Variants in TBCK observed in about 807,000 individuals in gnomAD.
TBCK encodes the protein TBC domain-containing protein kinase-like protein.
Under a neutral mutation model 113.4 loss-of-function variants are expected in TBCK, and 99 were observed. That is an observed-to-expected ratio of 0.87 (90% CI 0.74 to 1.03). TBCK has a LOEUF of 1.03. Among genes scored for constraint, TBCK ranks in the 50% least tolerant of loss-of-function variants. The pLI, the probability that TBCK is intolerant of heterozygous loss-of-function variation, is 0.00. For synonymous variants in TBCK, 369 were observed against 370.8 expected (o/e 1.00, Z 0.05); for missense variants, 1,045 against 1,061.3 (o/e 0.98, Z 0.21).
In TBCK at chr4:106,053,304, A is replaced by G. The variant is rs1735015399; in HGVS notation, c.2572-6624T>C. 2.0e-5 allele frequency among the ~76,000 whole-genome samples: 3 copies of G among 151,580 alleles called. No homozygotes were observed. The South Asian group carries it at 6.2e-4, about 31-fold the overall frequency. ...AACTTTTGTCTCTACCACTCCCCCA[A>G]AATACTCTTATTAAGACTGGCAGTA... On this transcript the variant is annotated intron_variant, in intron 25 of 25. Transcript: ENST00000394708.
At chr4:106,071,540 A>T (rs987367027) in intron 25 of TBCK, among the ~76,000 whole-genome samples, 8 of 152,198 alleles carry the variant, frequency 5.3e-5, no homozygotes, top group African/African-American at 1.9e-4. Context: ...TTTTGGAATA[A>T]AGGCAATGTG....
chr4:106,100,512 A>C (rs1423395631), intron 24 of TBCK, among the ~76,000 whole-genome samples: 1 of 152,082 alleles, frequency 6.6e-6, no homozygotes, highest in Non-Finnish European at 1.5e-5. Flanking sequence ...GCTCACTAAA[A>C]CCGGTTTATT....
intron 3 of TBCK, among the ~76,000 whole-genome samples, chr4:106,291,160 T>C (rs1481207143): frequency 6.6e-6 from 1 of 152,180 alleles, no homozygotes; most frequent in East Asian, 1.9e-4. Flanking sequence ...TAAGTCAAAA[T>C]GCAACATTTA....
chr4:106,126,937 G>A (rs547347525), intron 23 of TBCK, among the ~76,000 whole-genome samples: 1 of 152,270 alleles, frequency 6.6e-6, no homozygotes, highest in African/African-American at 2.4e-5. Flanking sequence ...GGCTGGGTGT[G>A]GTGGCTCATG....
At chr4:106,224,524 G>A (rs950057596) in intron 19 of TBCK, among the ~76,000 whole-genome samples, 1 of 152,192 alleles carries the variant, frequency 6.6e-6, no homozygotes, top group Non-Finnish European at 1.5e-5. Context: ...TTACTACTTT[G>A]AAGTGTAAAG....
chr4:106,153,838 T>C (rs899383922), intron 23 of TBCK, among the ~76,000 whole-genome samples: 38 of 152,108 alleles, frequency 2.5e-4, no homozygotes, highest in African/African-American at 8.7e-4. Flanking sequence ...GTTTTTTTTT[T>C]CCTTGAATTC....
At chr4:106,243,168 C>T (rs1013602190) in intron 11 of TBCK, among the ~76,000 whole-genome samples, 4 of 152,086 alleles carry the variant, frequency 2.6e-5, no homozygotes, top group Non-Finnish European at 5.9e-5. Flanking sequence ...AAACAAGTCT[C>T]ATTTTCAAAT....
intron 3 of TBCK, among the ~76,000 whole-genome samples, chr4:106,294,196 C>CTT (rs201062605): frequency 8.1e-5 from 12 of 148,036 alleles, no homozygotes; most frequent in South Asian, 2.1e-4. Flanking sequence ...GGAAAATAAT[C>CTT]TTTTTTTTTT....
chr4:106,224,969 T>C (rs1258750434), intron 19 of TBCK, among the ~76,000 whole-genome samples: 2 of 152,206 alleles, frequency 1.3e-5, no homozygotes, highest in Non-Finnish European at 2.9e-5. Context: ...GCTAACATAA[T>C]AGTATGTATA....
chr4:106,196,936 C>T (rs1754302571), intron 20 of TBCK, among the ~76,000 whole-genome samples: 1 of 152,066 alleles, frequency 6.6e-6, no homozygotes, highest in Admixed American at 6.6e-5. Context: ...TAATTAGCTT[C>T]ATCAAGATCT....
chr4:106,301,512 T>C (rs1766939499), intron 2 of TBCK, among the ~76,000 whole-genome samples: 2 of 152,154 alleles, frequency 1.3e-5, no homozygotes, highest in African/African-American at 4.8e-5. Context: ...TTTTCTCCTA[T>C]TAGAAAAAAA....
intron 25 of TBCK, among the ~76,000 whole-genome samples, chr4:106,073,209 C>A (rs1737703366): frequency 6.6e-6 from 1 of 152,200 alleles, no homozygotes; most frequent in Non-Finnish European, 1.5e-5. Context: ...AGCTTTTCTG[C>A]TCTGGTTTCT....
At chr4:106,177,728 C>T (rs1250567102) in intron 22 of TBCK, among the ~76,000 whole-genome samples, 3 of 151,922 alleles carry the variant, frequency 2.0e-5, no homozygotes, top group Non-Finnish European at 4.4e-5. Flanking sequence ...GTTTTGGTTA[C>T]TACAGCTCTG....
intron 24 of TBCK, among the ~76,000 whole-genome samples, chr4:106,115,473 T>C (rs1578939522): frequency 6.6e-6 from 1 of 152,336 alleles, no homozygotes; most frequent in African/African-American, 2.4e-5. Flanking sequence ...GTAAATGTTA[T>C]AAATCTGAAC....
At chr4:106,148,029 C>A (rs998893527) in intron 23 of TBCK, among the ~76,000 whole-genome samples, 1 of 152,162 alleles carries the variant, frequency 6.6e-6, no homozygotes, top group Admixed American at 6.5e-5. Flanking sequence ...GAAATATACC[C>A]CAGTCTCCCA....
chr4:106,137,281 G>A lies in TBCK; in HGVS notation c.2236-20903C>T, dbSNP rs1746666528. 2.1e-5 allele frequency among the ~76,000 whole-genome samples: 3 copies of A among 140,582 alleles called. 1 individual carries two copies. The South Asian group carries it at 7.2e-4, about 34-fold the overall frequency. 92.2% of individuals were successfully genotyped at this position (140,582 alleles called of 152,430 possible). Reference sequence around the variant, plus strand: ...AATTTTGGCAGGCAATCTATATAATGCTGAGAAAAATCTTAAATTGTATAA... The same window carrying A: ...AATTTTGGCAGGCAATCTATATAATACTGAGAAAAATCTTAAATTGTATAA... On this transcript the variant is annotated intron_variant, in intron 23 of 25. Transcript: ENST00000394708.
chr4:106,189,309 C>T (rs1753389533), intron 22 of TBCK, among the ~76,000 whole-genome samples: 4 of 147,416 alleles, frequency 2.7e-5, no homozygotes, highest in African/African-American at 1.0e-4. Context: ...TGCCACTGCA[C>T]TTCAGCCTGG....
chr4:106,098,780 A>G (rs1560641243), intron 24 of TBCK, among the ~76,000 whole-genome samples: 3 of 152,212 alleles, frequency 2.0e-5, no homozygotes, highest in South Asian at 2.1e-4. Context: ...GTGACCTTAC[A>G]CTATATATCT....
chr4:106,172,376 C>G (rs997377631), intron 22 of TBCK, among the ~76,000 whole-genome samples: 2 of 152,100 alleles, frequency 1.3e-5, no homozygotes, highest in Admixed American at 6.5e-5. Flanking sequence ...AGGAGGCCAA[C>G]AGTCCTGATG....
Sources: gnomAD v4.1 joint callset for allele counts (sites outside exome capture counted in the v4.1 genomes callset) on GRCh38, gnomAD v4.1.1 for gene constraint, MANE v1.5 for transcripts, NCBI Gene and HGNC (gene_info 2026-07-23, HGNC 2026-07-21) for gene names.